Variants in PHF2 observed in about 807,000 individuals in gnomAD.
PHF2 encodes lysine-specific demethylase PHF2.
In PHF2, 27 loss-of-function variants were observed where a neutral mutation model predicts 120.5. The ratio of observed to expected loss-of-function variants is 0.22; its 90% CI spans 0.17 to 0.31. The LOEUF is 0.31. Ranked by LOEUF, PHF2 falls within the 10% of genes least tolerant of loss-of-function variation. The pLI, the probability that PHF2 is intolerant of heterozygous loss-of-function variation, is 1.00. For synonymous variants in PHF2, 568 were observed against 592.5 expected (o/e 0.96, Z 0.60); for missense variants, 1,024 against 1,434.8 (o/e 0.71, Z 4.63).
intron 1 of PHF2, among the ~76,000 whole-genome samples, chr9:93,584,549 C>G (rs1361502502): frequency 6.6e-6 from 1 of 152,130 alleles, no homozygotes. Context: ...ATCTTTTGAC[C>G]GTATACACAG....
intron 1 of PHF2, among the ~76,000 whole-genome samples, chr9:93,599,847 C>T (rs1321852407): frequency 6.6e-6 from 1 of 152,216 alleles, no homozygotes; most frequent in East Asian, 1.9e-4. Context: ...ATCTGAAACT[C>T]GTCTGACTGG....
rs112056687 is a variant in PHF2, at chr9:93,656,992, C to G, written c.1147+397C>G. On this transcript the variant is annotated intron_variant, in intron 9 of 21. Coordinates refer to ENST00000359246, the MANE Select transcript of PHF2 (RefSeq NM_005392.4). The surrounding 1 kb of genome is among the most constrained non-coding windows in gnomAD (Gnocchi z 4.1). ...GGCTCTGGGTCCCCTTAGGCTCCCT[C>G]AGGGGCCTGGCAACTGGACCGTGAG... Among the ~76,000 whole-genome samples, 3 of 151,996 alleles carry G rather than the reference C, an allele frequency of 2.0e-5. No homozygotes were observed. Among genetic ancestry groups the G allele is most frequent in the Non-Finnish European group, 4.4e-5 (3 of 67,982 alleles).
intron 1 of PHF2, among the ~76,000 whole-genome samples, chr9:93,596,166 A>G (rs970250055): frequency 6.6e-6 from 1 of 152,180 alleles, no homozygotes; most frequent in Non-Finnish European, 1.5e-5. Flanking sequence ...AGCTGACCTC[A>G]GTCCAGCATG....
intron 13 of PHF2, 131 bp from the exon 14 acceptor site, chr9:93,663,386 G>A (rs567955944): frequency 1.4e-6 from 1 of 692,718 alleles, no homozygotes; most frequent in African/African-American, 1.8e-5. Flanking sequence ...TGGCCCGGGT[G>A]GCCACCAGAG....
At chr9:93,608,221 G>C (rs1159827053) in intron 1 of PHF2, among the ~76,000 whole-genome samples, 5 of 152,136 alleles carry the variant, frequency 3.3e-5, no homozygotes, top group Admixed American at 6.5e-5. Context: ...TACTCGGGAG[G>C]CTAAGGTGAG....
intron 1 of PHF2, among the ~76,000 whole-genome samples, chr9:93,595,620 C>A (rs148714486): frequency 6.6e-6 from 1 of 152,364 alleles, no homozygotes; most frequent in Non-Finnish European, 1.5e-5. Flanking sequence ...TGTGCAGACA[C>A]ACTTTATACA....
intron 3 of PHF2, among the ~76,000 whole-genome samples, chr9:93,641,186 C>T (rs549461331): frequency 6.6e-6 from 1 of 152,128 alleles, no homozygotes; most frequent in Non-Finnish European, 1.5e-5. Flanking sequence ...GGCTGGAGGT[C>T]GCCAAATGCT....
intron 1 of PHF2, among the ~76,000 whole-genome samples, chr9:93,598,291 G>A (rs888558800): frequency 9.9e-5 from 15 of 152,166 alleles, no homozygotes; most frequent in African/African-American, 2.4e-5. Flanking sequence ...GCATTTAATC[G>A]CGATTCACTC....
At chr9:93,672,546 G>A in intron 17 of PHF2, 5 of 984,968 alleles carry the variant, frequency 5.1e-6, no homozygotes, top group Non-Finnish European at 6.0e-6. Flanking sequence ...GTGGGGGTAG[G>A]TATAGGTGTA....
chr9:93,617,114 G>C (rs752432608), intron 1 of PHF2, among the ~76,000 whole-genome samples: 4 of 152,212 alleles, frequency 2.6e-5, no homozygotes, highest in Admixed American at 6.5e-5. Context: ...ATGGTCGGAG[G>C]GTGTCTGAGC....
chr9:93,652,435 C>T lies in PHF2; in HGVS notation c.603-744C>T, dbSNP rs144316970. Among the ~76,000 whole-genome samples the T allele has an allele frequency of 4.7e-3, 711 of 151,846 alleles. 7 individuals are homozygous for T. Among genetic ancestry groups the T allele is most frequent in the African/African-American group, 0.016 (671 of 41,404 alleles). On this transcript the variant is annotated intron_variant, in intron 5 of 21. Transcript: ENST00000359246. ...TCAGTCTCCCAAGTAGCTGGGATTACAGGCATGCCACCATGCCCAGCTAGT... is the reference window on the plus strand; with the variant it reads ...TCAGTCTCCCAAGTAGCTGGGATTATAGGCATGCCACCATGCCCAGCTAGT...
intron 14 of PHF2, 79 bp downstream of exon 14, chr9:93,663,714 A>C: frequency 1.3e-6 from 1 of 755,338 alleles, no homozygotes; most frequent in Non-Finnish European, 2.3e-6. Flanking sequence ...CATCACACCC[A>C]CTGCCTTATA....
In PHF2 at chr9:93,677,382, C is replaced by T. The variant is rs778364244; in HGVS notation, c.3203-206C>T. Among the ~76,000 whole-genome samples, 14 of 151,862 alleles carry T rather than the reference C, an allele frequency of 9.2e-5. No individual in the cohort carries two copies. The highest frequency in any genetic ancestry group is 1.8e-4 in the Non-Finnish European group (12 of 67,988). On this transcript the variant is annotated intron_variant, in intron 21 of 21. Coordinates refer to ENST00000359246, the MANE Select transcript of PHF2 (RefSeq NM_005392.4). This position sits in a 1 kb window ranked among gnomAD's most constrained non-coding sequence, Gnocchi z 4.4. ...TACCTGCCAGGGCCCCTTGAGGACA[C>T]GGCCTCTGAGGCGGAGGCTTTGCCA...
chr9:93,671,225 GGT>G (rs1401318130), intron 17 of PHF2: 11 of 964,856 alleles, frequency 1.1e-5, no homozygotes, highest in African/African-American at 1.8e-5. Context: ...TGTAGTTGCA[GGT>G]GTGTGGGAGT....
chr9:93,677,511 T>C lies in PHF2; in HGVS notation c.3203-77T>C, dbSNP rs1317830030. 3 of 1,057,572 alleles carry C rather than the reference T, an allele frequency of 2.8e-6. No homozygotes were observed. The highest frequency in any genetic ancestry group is 3.7e-5 in the Admixed American group (2 of 54,552). 65.5% of individuals were successfully genotyped at this position (1,057,572 alleles called of 1,614,324 possible). Reference sequence around the variant, plus strand: ...CTGCCCCTTAGTGTCAGCGGGACCCTCCCCCCCACCGGCATGCCACGCCCC... The same window carrying C: ...CTGCCCCTTAGTGTCAGCGGGACCCCCCCCCCCACCGGCATGCCACGCCCC... On this transcript the variant is annotated intron_variant, in intron 21 of 21. Transcript: ENST00000359246. This position sits in a 1 kb window ranked among gnomAD's most constrained non-coding sequence, Gnocchi z 4.4.
At chr9:93,642,979 C>T (rs752019566) in intron 3 of PHF2, among the ~76,000 whole-genome samples, 33 of 152,126 alleles carry the variant, frequency 2.2e-4, no homozygotes, top group Admixed American at 3.3e-4. Context: ...TGTGCCTTGC[C>T]GCATCCTCTT....
At chr9:93,601,257 C>T (rs917214645) in intron 1 of PHF2, among the ~76,000 whole-genome samples, 21 of 152,164 alleles carry the variant, frequency 1.4e-4, no homozygotes, top group African/African-American at 5.1e-4. Flanking sequence ...ACATATACAG[C>T]CAGGGACTCC....
chr9:93,653,757 G>C (rs1826409682), intron 6 of PHF2, among the ~76,000 whole-genome samples: 1 of 152,230 alleles, frequency 6.6e-6, no homozygotes, highest in Non-Finnish European at 1.5e-5. Flanking sequence ...AAGGCTAGGA[G>C]CCTCATCATC....
At chr9:93,623,552 TTA>T (rs1221539524) in intron 1 of PHF2, among the ~76,000 whole-genome samples, 1 of 152,236 alleles carries the variant, frequency 6.6e-6, no homozygotes, top group Non-Finnish European at 1.5e-5. Flanking sequence ...AGGAAGAATA[TTA>T]ACACTGTGCA....
Sources: gnomAD v4.1 joint callset for allele counts (sites outside exome capture counted in the v4.1 genomes callset) on GRCh38, gnomAD v4.1.1 for gene constraint, Gnocchi (gnomAD v3.1) non-coding constraint, MANE v1.5 for transcripts, NCBI Gene and HGNC (gene_info 2026-07-23, HGNC 2026-07-21) for gene names.